The following CYREN variants were observed in gnomAD, a reference collection of about 807,000 sequenced individuals.
CYREN encodes cell cycle regulator of NHEJ, also known as cell cycle regulator of non-homologous end joining.
Under a neutral mutation model 9.7 loss-of-function variants are expected in CYREN, and 7 were observed. That is an observed-to-expected ratio of 0.72 (90% confidence interval 0.41 to 1.36). The LOEUF (loss-of-function observed/expected upper bound fraction) is 1.36. CYREN is among the 40% of genes most tolerant of loss of function. The pLI is 0.01. For synonymous variants in CYREN, 76 were observed against 77.9 expected (o/e 0.98, Z 0.13); for missense variants, 215 against 198.1 (o/e 1.09, Z -0.51).
intron 2 of CYREN, among the ~76,000 whole-genome samples, chr7:135,127,987 T>C (rs1828126820): frequency 6.6e-6 from 1 of 152,100 alleles, no homozygotes; most frequent in Non-Finnish European, 1.5e-5. Flanking sequence ...TGGAATACTA[T>C]GCAGCCATAA....
intron 2 of CYREN, among the ~76,000 whole-genome samples, chr7:135,105,820 T>G (rs1203820678): frequency 6.6e-6 from 1 of 152,238 alleles, no homozygotes; most frequent in Non-Finnish European, 1.5e-5. Flanking sequence ...ATCTGTAAAT[T>G]GCTTTGGACA....
upstream of CYREN, among the ~76,000 whole-genome samples, chr7:135,172,321 G>T (rs1830695266): frequency 6.6e-6 from 1 of 152,052 alleles, no homozygotes; most frequent in Admixed American, 6.5e-5. Flanking sequence ...TGGATACTTT[G>T]GTTTTGGTTT....
exon 3 of CYREN, chr7:135,094,325 C>T (rs989956165): frequency 3.5e-5 from 16 of 455,808 alleles, no homozygotes; most frequent in African/African-American, 3.0e-4. Context: ...AACTACTACC[C>T]TGAAATCTGA....
chr7:135,169,015 G>A lies in CYREN; in HGVS notation c.-93C>T, dbSNP rs908301763. ...TAAATCTCGTTCTCTCGTCACACCC[G>A]GAATTACAGGTCCATTTGTCCTCAG... On this transcript the variant is annotated 5_prime_UTR_variant, in exon 2 of 4. Transcript: ENST00000393114. 13 of 1,206,858 alleles carry A rather than the reference G, an allele frequency of 1.1e-5. No homozygotes were observed. Among genetic ancestry groups the A allele is most frequent in the African/African-American group, 3.1e-5 (2 of 64,664 alleles). 74.8% of individuals were successfully genotyped at this position (1,206,858 alleles called of 1,614,324 possible).
At chr7:135,148,660 C>T (rs1210950997) in intron 2 of CYREN, among the ~76,000 whole-genome samples, 1 of 152,154 alleles carries the variant, frequency 6.6e-6, no homozygotes, top group African/African-American at 2.4e-5. Context: ...AGCAGGTCAC[C>T]GACCAACACT....
In CYREN at chr7:135,167,702, G is replaced by A. The variant is rs772167070; in HGVS notation, c.213+30C>T. ...AGCCTCTGCCCATGCAGAGTTTCTG[G>A]TCATGAGTAAGAGGCTTGTCTGACT... On this transcript the variant is annotated intron_variant, in intron 3 of 3. Coordinates refer to ENST00000393114, the MANE Select transcript of CYREN (RefSeq NM_024033.4). 4 of 1,613,114 alleles carry A rather than the reference G, an allele frequency of 2.5e-6. No homozygotes were observed. In the African/African-American group the frequency reaches 4.0e-5, roughly 16 times the overall value.
At chr7:135,164,822 G>T, downstream of CYREN, 1 of 1,614,102 alleles carries the variant, frequency 6.2e-7, no homozygotes, top group Non-Finnish European at 8.5e-7. Context: ...CTGTGCTGCT[G>T]GCAGGCGGCC....
intron 2 of CYREN, among the ~76,000 whole-genome samples, chr7:135,098,113 T>A (rs1174358844): frequency 6.6e-6 from 1 of 152,114 alleles, no homozygotes; most frequent in Non-Finnish European, 1.5e-5. Flanking sequence ...CCAAAATAGG[T>A]CTACAGATAC....
intron 2 of CYREN, among the ~76,000 whole-genome samples, chr7:135,098,178 C>A (rs1209876540): frequency 6.6e-6 from 1 of 152,114 alleles, no homozygotes; most frequent in African/African-American, 2.4e-5. Context: ...AGTCTAAATA[C>A]CTGCCGTTGC....
chr7:135,164,793 G>C, downstream of CYREN: 6 of 1,614,154 alleles, frequency 3.7e-6, no homozygotes, highest in Non-Finnish European at 5.1e-6. Flanking sequence ...GCTGGCAGTG[G>C]GCTTCCTGGC....
intron 2 of CYREN, chr7:135,135,495 T>A: frequency 3.2e-6 from 1 of 312,298 alleles, no homozygotes; most frequent in Middle Eastern, 8.2e-4. Context: ...TATTTATATT[T>A]AGTTTTTATC....
chr7:135,097,951 A>G (rs1823162481), intron 2 of CYREN, among the ~76,000 whole-genome samples: 2 of 152,184 alleles, frequency 1.3e-5, no homozygotes, highest in African/African-American at 4.8e-5. Context: ...TCAGTGCTTT[A>G]AAAACATTTT....
At chr7:135,129,586 C>A in intron 2 of CYREN, 1 of 771,112 alleles carries the variant, frequency 1.3e-6, no homozygotes, top group Non-Finnish European at 2.4e-6. Context: ...CTCTCTAGAG[C>A]AAACCCTTAC....
At chr7:135,122,239 C>G (rs1471643129) in intron 2 of CYREN, among the ~76,000 whole-genome samples, 3 of 152,200 alleles carry the variant, frequency 2.0e-5, no homozygotes, top group Non-Finnish European at 4.4e-5. Context: ...AAGACATGTT[C>G]CCCAAAGCCC....
Position 135,151,109 on chromosome 7 carries a change from C to T in CYREN, n.356+17640G>A, listed in dbSNP as rs1038861856. On this transcript the variant is annotated intron_variant and non_coding_transcript_variant, in intron 2 of 2. Transcript: ENST00000459937. The surrounding 1 kb of genome is among the most constrained non-coding windows in gnomAD (Gnocchi z 4.3). The stretch of plus-strand genomic sequence containing the variant: ...TATGTTATAATCTCATGGTATAGTC[C>T]TATTTTGTCTGATAAAGCTGTTTTA... 6.6e-6 allele frequency among the ~76,000 whole-genome samples: 1 copy of T among 152,082 alleles called. No individual in the cohort carries two copies. Among genetic ancestry groups the T allele is most frequent in the African/African-American group, 2.4e-5 (1 of 41,400 alleles).
intron 2 of CYREN, among the ~76,000 whole-genome samples, chr7:135,156,004 T>C (rs1001567229): frequency 2.4e-4 from 36 of 151,762 alleles, no homozygotes; most frequent in African/African-American, 6.8e-4. Flanking sequence ...TCTGGCAGGA[T>C]ACAAAATTCT....
chr7:135,145,479 T>G (rs567783692), intron 2 of CYREN, among the ~76,000 whole-genome samples: 5 of 152,192 alleles, frequency 3.3e-5, no homozygotes, highest in Non-Finnish European at 1.5e-5. Context: ...AACAGCTGTG[T>G]GTGGTGTCAA....
chr7:135,136,155 G>C (rs1829338457), intron 2 of CYREN, among the ~76,000 whole-genome samples: 1 of 152,016 alleles, frequency 6.6e-6, no homozygotes, highest in Admixed American at 6.6e-5. Context: ...TGAGTCATAG[G>C]TCAACAATGG....
chr7:135,096,648 G>C (rs1822865010), intron 2 of CYREN, among the ~76,000 whole-genome samples: 1 of 148,224 alleles, frequency 6.7e-6, no homozygotes, highest in African/African-American at 2.5e-5. Flanking sequence ...ATGACTGGTG[G>C]AAGAACTTAT....
Sources: allele counts gnomAD v4.1 joint callset (sites outside exome capture counted in the v4.1 genomes callset), GRCh38; gene constraint gnomAD v4.1.1; non-coding constraint Gnocchi (gnomAD v3.1); transcripts MANE v1.5; gene names NCBI Gene and HGNC (gene_info 2026-07-23, HGNC 2026-07-21).